ADSL: variants seen among roughly 807,000 people sequenced by gnomAD.
ADSL encodes the protein adenylosuccinate lyase.
Under a neutral mutation model 62.1 loss-of-function variants are expected in ADSL, and 44 were observed. The ratio of observed to expected loss-of-function variants is 0.71; its 90% CI spans 0.56 to 0.91. The LOEUF is 0.91. Ranked by LOEUF, ADSL falls within the 40% of genes least tolerant of loss-of-function variation. The pLI is 0.00. For synonymous variants in ADSL, 198 were observed against 220.5 expected, an observed-to-expected ratio of 0.90 and a Z score of 0.90; for missense variants, 531 against 627.4, an observed-to-expected ratio of 0.85 and a Z score of 1.64.
intron 2 of ADSL, among the ~76,000 whole-genome samples, chr22:40,380,367 T>G (rs1289911837): frequency 6.6e-6 from 1 of 150,690 alleles, no homozygotes; most frequent in Non-Finnish European, 1.5e-5. Context: ...ATCTATAATT[T>G]TTTTTTTTTT....
chr22:40,378,945 T>C (rs1218518349), intron 2 of ADSL, among the ~76,000 whole-genome samples: 1 of 152,176 alleles, frequency 6.6e-6, no homozygotes, highest in Admixed American at 6.5e-5. Context: ...CTGCTCTTTG[T>C]TTCGGACCTC....
intron 6 of ADSL, among the ~76,000 whole-genome samples, chr22:40,359,801 G>GATT (rs2044710451): frequency 6.6e-6 from 1 of 152,090 alleles, no homozygotes; most frequent in South Asian, 2.1e-4. Context: ...AAAGTGCTAG[G>GATT]ATTATAGGCA....
intron 4 of ADSL, 41 bp downstream of exon 4, chr22:40,354,368 T>TAAA: frequency 6.8e-7 from 1 of 1,464,984 alleles, no homozygotes; most frequent in Non-Finnish European, 9.6e-7. Flanking sequence ...GCATATGGCT[T>TAAA]TCAGCTGCTT....
chr22:40,363,494 G>C (rs910310582), intron 10 of ADSL, among the ~76,000 whole-genome samples: 1 of 152,176 alleles, frequency 6.6e-6, no homozygotes, highest in African/African-American at 2.4e-5. Flanking sequence ...CCAGCACTTT[G>C]GGAGGCCGAG....
chr22:40,366,584 A>T lies in ADSL; in HGVS notation c.*62A>T. The T allele has an allele frequency of 8.3e-7, 1 of 1,211,808 alleles. No individual in the cohort carries two copies. Among genetic ancestry groups the T allele is most frequent in the Non-Finnish European group, 1.2e-6 (1 of 816,314 alleles). 75.1% of individuals were successfully genotyped at this position (1,211,808 alleles called of 1,614,324 possible). ...GCTGAGGCATGAAAATTGTGTTACT[A>T]TAATGCCTTATTTTACCTCGAGAAT... On this transcript the variant is annotated 3_prime_UTR_variant, in exon 13 of 13. Transcript: ENST00000623063.
rs1193437955 is a variant in ADSL, at chr22:40,346,709, C to T, written c.151C>T (p.Gln51Ter). Reference protein sequence around the residue: ...QLWLWLAEAEQTLGLPITDEQ... With the variant: ...QLWLWLAEAE Reference sequence around the variant, plus strand: ...GTGGCTGTGGCTGGCGGAGGCCGAGCAGGTAACGGATCCCGGGCTGAGGGG... The same window carrying T: ...GTGGCTGTGGCTGGCGGAGGCCGAGTAGGTAACGGATCCCGGGCTGAGGGG... Residue 51 changes from glutamine to a stop codon, truncating the protein, a stop_gained and splice_region_variant, in exon 1 of 13, where the codon CAG becomes TAG. Coordinates refer to ENST00000623063, the MANE Select transcript of ADSL (RefSeq NM_000026.4). LOFTEE classifies it high-confidence loss of function. The T allele has an allele frequency of 6.2e-7, 1 of 1,603,610 alleles. No homozygotes were observed.
chr22:40,374,477 A>G (rs992391090), intron 2 of ADSL, among the ~76,000 whole-genome samples: 3 of 152,290 alleles, frequency 2.0e-5, no homozygotes, highest in Admixed American at 6.5e-5. Context: ...CTGAGCTACA[A>G]TTTCTTCTTT....
At chr22:40,382,782 G>A (rs900276106) in intron 2 of ADSL, among the ~76,000 whole-genome samples, 1 of 152,184 alleles carries the variant, frequency 6.6e-6, no homozygotes, top group African/African-American at 2.4e-5. Flanking sequence ...GGATCTCCAT[G>A]CCAAGCATGT....
intron 6 of ADSL, among the ~76,000 whole-genome samples, 170 bp downstream of exon 6, chr22:40,359,476 CTTTTT>C (rs56719087): frequency 2.3e-5 from 1 of 43,860 alleles, no homozygotes; most frequent in Admixed American, 2.8e-4. Flanking sequence ...TATCTGGATT[CTTTTT>C]TTTTTTTTTT....
intron 9 of ADSL, 96 bp from the exon 10 acceptor site, chr22:40,362,885 G>A (rs1470468496): frequency 8.9e-7 from 1 of 1,121,658 alleles, no homozygotes; most frequent in Non-Finnish European, 1.4e-6. Flanking sequence ...AGATTATCCA[G>A]AGAGTACAGT....
At chr22:40,363,368 G>A (rs2044868119) in intron 10 of ADSL, among the ~76,000 whole-genome samples, 1 of 152,176 alleles carries the variant, frequency 6.6e-6, no homozygotes, top group South Asian at 2.1e-4. Flanking sequence ...AAGTACTTGA[G>A]GCAGATGGGT....
chr22:40,385,998 C>T (rs1033373243), intron 2 of ADSL, among the ~76,000 whole-genome samples: 59 of 152,030 alleles, frequency 3.9e-4, no homozygotes, highest in Middle Eastern at 3.4e-3. Flanking sequence ...ACTACAGGCG[C>T]ACGCCACCAT....
At chr22:40,381,494 A>G (rs181638397) in intron 2 of ADSL, among the ~76,000 whole-genome samples, 1 of 152,340 alleles carries the variant, frequency 6.6e-6, no homozygotes. Context: ...GGAACTGGAA[A>G]TACAAACTGA....
chr22:40,346,579 T>G lies in ADSL; in HGVS notation c.21T>G (p.His7Gln). The change falls in exon 1 of 13, where the codon CAT (histidine) becomes CAG (glutamine). Residue 7 changes from histidine to glutamine, a missense_variant. By Grantham distance (24) the His-to-Gln change is conservative. Transcript: ENST00000623063. Reference sequence around the variant, plus strand: ...TTGGGATGGCGGCTGGAGGCGATCATGGTTCGCCCGACAGCTACCGCTCAC... The same window carrying G: ...TTGGGATGGCGGCTGGAGGCGATCAGGGTTCGCCCGACAGCTACCGCTCAC... Reference protein sequence around the residue: MAAGGDHGSPDSYRSPL... With the variant: MAAGGDQGSPDSYRSPL... 1.2e-6 allele frequency: 2 copies of G among 1,606,096 alleles called. No homozygotes were observed. Among genetic ancestry groups the G allele is most frequent in the Non-Finnish European group, 1.7e-6 (2 of 1,177,294 alleles).
intron 2 of ADSL, among the ~76,000 whole-genome samples, chr22:40,375,623 AGTCTT>A (rs895206502): frequency 6.6e-6 from 1 of 151,920 alleles, no homozygotes; most frequent in Non-Finnish European, 1.5e-5. Flanking sequence ...CAGTGTCAAA[AGTCTT>A]ATCTTGGAAA....
chr22:40,361,339 A>G lies in ADSL; in HGVS notation c.859A>G (p.Ile287Val), dbSNP rs1209918065. ...EMEEPFEKQQ[I>V]GSSAMPYKRN... Reference sequence around the variant, plus strand: ...GGAGGAACCCTTTGAAAAACAGCAGATTGGTGAGTGCTGTGTAGAGACCTG... The same window carrying G: ...GGAGGAACCCTTTGAAAAACAGCAGGTTGGTGAGTGCTGTGTAGAGACCTG... The change falls in exon 8 of 13, where the codon ATT becomes GTT. Residue 287 changes from isoleucine to valine, a missense_variant. Transcript: ENST00000623063. The G allele has an allele frequency of 4.3e-6, 7 of 1,614,080 alleles. No homozygotes were observed. Among genetic ancestry groups the G allele is most frequent in the Non-Finnish European group, 4.2e-6 (5 of 1,179,944 alleles).
At chr22:40,346,819 C>G (rs2044160773) in intron 1 of ADSL, 108 bp downstream of exon 1, 1 of 1,205,338 alleles carries the variant, frequency 8.3e-7, no homozygotes, top group South Asian at 1.4e-5. Context: ...TGCGGCCCGG[C>G]TATTTTCAGC....
At chr22:40,354,484 TGA>T (rs1175251577) in intron 4 of ADSL, among the ~76,000 whole-genome samples, 157 bp downstream of exon 4, 2 of 152,230 alleles carry the variant, frequency 1.3e-5, no homozygotes, top group Admixed American at 1.3e-4. Flanking sequence ...TGATATCCAC[TGA>T]GAGAGTAAAT....
rs533738501 is a variant in ADSL, at chr22:40,376,783, G to GT, written c.89+10293dup. 5.5e-4 allele frequency among the ~76,000 whole-genome samples: 84 copies of GT among 151,730 alleles called. 1 individual carries two copies. In the South Asian group the frequency reaches 0.015, roughly 27 times the overall value. On this transcript the variant is annotated intron_variant, in intron 2 of 2. Transcript: ENST00000498234. The stretch of plus-strand genomic sequence containing the variant: ...ATAATCTCCACCTTCATAGTTTTTT[G>GT]TTTTTTTTAATTTAGCATATAATCA...
Sources: allele counts gnomAD v4.1 joint callset (sites outside exome capture counted in the v4.1 genomes callset), GRCh38; gene constraint gnomAD v4.1.1; transcripts MANE v1.5; gene names NCBI Gene and HGNC (gene_info 2026-07-23, HGNC 2026-07-21).